SHANK2: variants seen among roughly 807,000 people sequenced by gnomAD.
SHANK2 encodes the protein SH3 and multiple ankyrin repeat domains 2.
Under a neutral mutation model 133.7 loss-of-function variants are expected in SHANK2, and 43 were observed. The observed-to-expected ratio is 0.32, with a 90% CI of 0.25 to 0.41. The LOEUF (loss-of-function observed/expected upper bound fraction) is 0.41. Ranked by LOEUF, SHANK2 falls within the 10% of genes least tolerant of loss-of-function variation. The probability of loss-of-function intolerance (pLI) is 1.00; values close to 1 mark genes in which losing one functional copy is unlikely to be tolerated. For missense variants in SHANK2, 1,994 were observed against 2,235.8 expected (o/e 0.89, Z 2.18); for synonymous variants, 1,017 against 952.8 (o/e 1.07, Z -1.24).
intron 15 of SHANK2, 173 bp from the exon 16 acceptor site, chr11:70,661,851 G>A (rs1031526029): frequency 3.9e-5 from 61 of 1,576,904 alleles, no homozygotes; most frequent in African/African-American, 8.1e-5. Flanking sequence ...CGAAGGAAGA[G>A]GGGGGTGGCT....
In SHANK2 at chr11:70,804,422, T is replaced by C. The variant is rs1555051411; in HGVS notation, c.1663+2580A>G. ...ATGGCCTGCGCGGCCCACTCGAATC[T>C]CTTTTCAGAACAGCAGTCCTTTGCC... On this transcript the variant is annotated intron_variant, in intron 13 of 25. Coordinates refer to ENST00000601538, the MANE Select transcript of SHANK2 (RefSeq NM_012309.5). This position sits in a 1 kb window ranked among gnomAD's most constrained non-coding sequence, Gnocchi z 4.1. Among the ~76,000 whole-genome samples the C allele has an allele frequency of 6.6e-6, 1 of 152,206 alleles. No homozygotes were observed. Among genetic ancestry groups the C allele is most frequent in the African/African-American group, 2.4e-5 (1 of 41,464 alleles).
chr11:71,151,805 C>G (rs1952803278), intron 2 of SHANK2, among the ~76,000 whole-genome samples: 1 of 152,166 alleles, frequency 6.6e-6, no homozygotes, highest in Non-Finnish European at 1.5e-5. Flanking sequence ...ACCGTCCAGG[C>G]TCCAAGCTGC....
intron 11 of SHANK2, among the ~76,000 whole-genome samples, chr11:70,843,668 C>T (rs1948950382): frequency 1.3e-5 from 2 of 151,930 alleles, no homozygotes; most frequent in Non-Finnish European, 2.9e-5. Context: ...CCTGCGACAC[C>T]TTGATCTCGA....
chr11:70,792,613 A>C (rs2135187602), intron 14 of SHANK2, among the ~76,000 whole-genome samples: 3 of 152,370 alleles, frequency 2.0e-5, no homozygotes, highest in Middle Eastern at 6.8e-3. Flanking sequence ...TTTACCAACT[A>C]AATGTTCATT....
intron 8 of SHANK2, among the ~76,000 whole-genome samples, chr11:71,091,434 G>T (rs552452868): frequency 3.0e-4 from 46 of 152,316 alleles, no homozygotes; most frequent in African/African-American, 1.1e-3. Context: ...GTGTAAGGTG[G>T]TAATGGCAGA....
intron 11 of SHANK2, among the ~76,000 whole-genome samples, chr11:70,845,864 C>T (rs1371573417): frequency 2.6e-5 from 4 of 152,150 alleles, no homozygotes; most frequent in Admixed American, 6.5e-5. Flanking sequence ...GGATAGAAAC[C>T]GCCAGTGTTT....
chr11:70,760,573 G>T (rs969997526), intron 14 of SHANK2, among the ~76,000 whole-genome samples: 14 of 152,214 alleles, frequency 9.2e-5, no homozygotes, highest in Admixed American at 4.6e-4. Context: ...AAGTTAGGAC[G>T]CATACTGGTC....
Position 70,473,106 on chromosome 11 carries a change from C to G in SHANK2, c.5313G>C (p.Gln1771His). 1 of 1,614,242 alleles carries G rather than the reference C, an allele frequency of 6.2e-7. No homozygotes were observed. The highest frequency in any genetic ancestry group is 8.5e-7 in the Non-Finnish European group (1 of 1,180,052). ...TTGTAAAAGGCTTATTTGAGATTGG[C>G]TGTTGCAGTATCGAGGGGGATGGCG... is the stretch of plus-strand genomic sequence containing the variant. Reference protein sequence around the residue: ...SRSPSPSILQQPISNKPFTTK... With the variant: ...SRSPSPSILQHPISNKPFTTK... The change falls in exon 26 of 26, where the codon CAG becomes CAC. Residue 1771 changes from glutamine to histidine, a missense_variant. Around this residue, in one of 5 missense-constraint regions of SHANK2, gnomAD observed 797 missense variants for 907.4 expected, o/e 0.88. Transcript: ENST00000601538. This position sits in a 1 kb window ranked among gnomAD's most constrained non-coding sequence, Gnocchi z 5.9.
intron 15 of SHANK2, among the ~76,000 whole-genome samples, chr11:70,680,641 T>C (rs543027771): frequency 5.3e-5 from 8 of 152,182 alleles, no homozygotes; most frequent in African/African-American, 1.9e-4. Flanking sequence ...TCATTCCCCT[T>C]GGCCGGGTGA....
chr11:70,590,010 C>T (rs2060301011), intron 17 of SHANK2, among the ~76,000 whole-genome samples: 1 of 152,294 alleles, frequency 6.6e-6, no homozygotes, highest in African/African-American at 2.4e-5. Flanking sequence ...AAAAAATTAG[C>T]CAGGCGCGGT....
At chr11:70,620,170 T>G (rs1461024095) in intron 17 of SHANK2, among the ~76,000 whole-genome samples, 4 of 151,960 alleles carry the variant, frequency 2.6e-5, no homozygotes, top group African/African-American at 9.7e-5. Context: ...GGGGTTAGGG[T>G]TCCAACATTT....
intron 12 of SHANK2, among the ~76,000 whole-genome samples, chr11:70,819,581 T>C (rs1277458943): frequency 1.3e-5 from 2 of 151,982 alleles, no homozygotes; most frequent in Admixed American, 6.5e-5. Context: ...GGCAGGAGGG[T>C]GGGGAGAGAC....
At chr11:70,855,631 A>G (rs1237797231) in intron 11 of SHANK2, among the ~76,000 whole-genome samples, 2 of 152,286 alleles carry the variant, frequency 1.3e-5, no homozygotes, top group African/African-American at 4.8e-5. Flanking sequence ...ACAAGAGGTA[A>G]CGCTAAACCA....
At chr11:70,886,488 AC>A (rs1949748120) in intron 11 of SHANK2, among the ~76,000 whole-genome samples, 1 of 152,178 alleles carries the variant, frequency 6.6e-6, no homozygotes, top group Admixed American at 6.5e-5. Flanking sequence ...CTACTTGCAA[AC>A]ACAAAGGCTA....
intron 11 of SHANK2, among the ~76,000 whole-genome samples, chr11:70,884,657 C>T (rs568635423): frequency 7.2e-5 from 11 of 152,346 alleles, no homozygotes; most frequent in African/African-American, 2.6e-4. Context: ...CCGGTCCCCC[C>T]CACCGAGTGT....
At chr11:70,853,262 G>A (rs1274426380) in intron 11 of SHANK2, among the ~76,000 whole-genome samples, 3 of 152,246 alleles carry the variant, frequency 2.0e-5, no homozygotes, top group Non-Finnish European at 4.4e-5. Context: ...ACTCCAGCCA[G>A]GTGGACCTGG....
chr11:70,765,967 A>G (rs1295480933), intron 14 of SHANK2, among the ~76,000 whole-genome samples: 1 of 152,178 alleles, frequency 6.6e-6, no homozygotes, highest in Non-Finnish European at 1.5e-5. Flanking sequence ...ACTGTGACAG[A>G]GGTGGCCAGC....
chr11:70,771,173 C>T (rs1052388991), intron 14 of SHANK2, among the ~76,000 whole-genome samples: 1 of 152,194 alleles, frequency 6.6e-6, no homozygotes, highest in Non-Finnish European at 1.5e-5. Context: ...GTGATCTACC[C>T]TTCTCAGCCT....
At chr11:70,522,732 T>C (rs2059346130) in intron 17 of SHANK2, among the ~76,000 whole-genome samples, 1 of 152,186 alleles carries the variant, frequency 6.6e-6, no homozygotes, top group Non-Finnish European at 1.5e-5. Context: ...CGTGTCCCAG[T>C]CCCTCAGTTA....
Sources: allele counts gnomAD v4.1 joint callset (sites outside exome capture counted in the v4.1 genomes callset), GRCh38; gene constraint gnomAD v4.1.1; regional missense constraint gnomAD v4.1.1; non-coding constraint Gnocchi (gnomAD v3.1); transcripts MANE v1.5; gene names NCBI Gene and HGNC (gene_info 2026-07-23, HGNC 2026-07-21).